ARID1B: variants seen among roughly 807,000 people sequenced by gnomAD.
ARID1B encodes AT-rich interaction domain 1B.
In ARID1B, 30 loss-of-function variants were observed where a neutral mutation model predicts 212.3. The observed-to-expected ratio is 0.14, with a 90% CI of 0.11 to 0.19. The LOEUF (loss-of-function observed/expected upper bound fraction) is 0.19. ARID1B is among the 10% of genes least tolerant of loss of function. The pLI, the probability that ARID1B is intolerant of heterozygous loss-of-function variation, is 1.00. For missense variants in ARID1B, 2,891 were observed against 3,204.0 expected, an observed-to-expected ratio of 0.90 and a Z score of 2.36; for synonymous variants, 1,402 against 1,301.7, an observed-to-expected ratio of 1.08 and a Z score of -1.66.
Position 157,069,661 on chromosome 6 carries a change from A to G in ARID1B, c.2248-15001A>G, listed in dbSNP as rs144559717. Among the ~76,000 whole-genome samples the G allele has an allele frequency of 5.3e-4, 81 of 152,336 alleles. 2 individuals are homozygous for G. Among genetic ancestry groups the G allele is most frequent in the African/African-American group, 1.7e-3 (69 of 41,566 alleles). On this transcript the variant is annotated intron_variant, in intron 4 of 19. Coordinates refer to ENST00000636930, the MANE Select transcript of ARID1B (RefSeq NM_001374828.1). ...GTTATTCAAGGGCAATCCTGTTTGA[A>G]TACTCAGATCATAGACCAATTGCCA... is the stretch of plus-strand genomic sequence containing the variant.
intron 13 of ARID1B, among the ~76,000 whole-genome samples, chr6:157,186,980 C>T (rs1793020780): frequency 6.6e-6 from 1 of 152,236 alleles, no homozygotes; most frequent in Non-Finnish European, 1.5e-5. Context: ...CCACATATCA[C>T]TGCCAAGTGG....
chr6:157,146,350 C>T (rs2128624321), intron 7 of ARID1B, among the ~76,000 whole-genome samples: 1 of 152,258 alleles, frequency 6.6e-6, no homozygotes, highest in Middle Eastern at 3.4e-3. Context: ...AGAAAAGATG[C>T]AAGCAACTCC....
At chr6:157,038,236 T>C (rs1308553876) in intron 4 of ARID1B, among the ~76,000 whole-genome samples, 1 of 152,134 alleles carries the variant, frequency 6.6e-6, no homozygotes, top group Non-Finnish European at 1.5e-5. Context: ...TTTGGGAGGA[T>C]AGGAAGGTTG....
intron 2 of ARID1B, among the ~76,000 whole-genome samples, chr6:156,874,052 A>C (rs1047188849): frequency 6.6e-6 from 1 of 152,050 alleles, no homozygotes; most frequent in African/African-American, 2.4e-5. Flanking sequence ...GTACTGACTA[A>C]TTTCTTATGT....
chr6:156,914,284 C>T (rs539833952), intron 3 of ARID1B, among the ~76,000 whole-genome samples: 12 of 152,314 alleles, frequency 7.9e-5, no homozygotes, highest in Non-Finnish European at 1.5e-4. Context: ...TGAGATCATG[C>T]GGTATGAAAC....
chr6:156,957,824 C>T (rs150394670), intron 4 of ARID1B, among the ~76,000 whole-genome samples: 2,291 of 152,184 alleles, frequency 0.015, 25 homozygotes, highest in Middle Eastern at 0.038. Flanking sequence ...AGGGGTTCTG[C>T]TGATGGAGAT....
chr6:156,817,355 G>T (rs1459682526), intron 1 of ARID1B, among the ~76,000 whole-genome samples: 5 of 151,798 alleles, frequency 3.3e-5, no homozygotes, highest in African/African-American at 2.4e-5. Flanking sequence ...CAAAAAAGCA[G>T]CCTGATGTTG....
intron 4 of ARID1B, among the ~76,000 whole-genome samples, chr6:157,079,779 C>T (rs562679353): frequency 5.9e-5 from 9 of 152,240 alleles, no homozygotes; most frequent in African/African-American, 1.9e-4. Flanking sequence ...ACAATCATAT[C>T]CATTTTGTCT....
intron 4 of ARID1B, among the ~76,000 whole-genome samples, chr6:157,020,710 A>G (rs749084557): frequency 6.6e-6 from 1 of 152,160 alleles, no homozygotes; most frequent in East Asian, 1.9e-4. Flanking sequence ...TGCTTCTCTA[A>G]TATTTTTTCC....
At chr6:157,055,037 A>G (rs1782860933) in intron 4 of ARID1B, among the ~76,000 whole-genome samples, 1 of 152,212 alleles carries the variant, frequency 6.6e-6, no homozygotes, top group African/African-American at 2.4e-5. Context: ...ACTGGGAAGC[A>G]TCCTCCTCAG....
intron 13 of ARID1B, chr6:157,184,717 C>A: frequency 2.0e-6 from 1 of 491,898 alleles, no homozygotes; most frequent in East Asian, 3.8e-5. Context: ...AAGCCATATA[C>A]GTTTATTGCT....
At chr6:157,060,630 CTTTTTTTTT>C (rs56870548) in intron 4 of ARID1B, among the ~76,000 whole-genome samples, 12 of 72,040 alleles carry the variant, frequency 1.7e-4, no homozygotes, top group South Asian at 1.4e-3. Flanking sequence ...AAAATCTGAA[CTTTTTTTTT>C]TTTTTTTTTT....
rs1324304200 is a variant in ARID1B, at chr6:156,812,983, T to TACAC, written c.1792-16243_1792-16242insCACA. On this transcript the variant is annotated intron_variant, in intron 1 of 19. Coordinates refer to ENST00000636930, the MANE Select transcript of ARID1B (RefSeq NM_001374828.1). ...GTGTGTGTGTGTGTGTGTGTATGTA[T>TACAC]ATACATACGTATGTATATACATATA... 5.4e-5 allele frequency among the ~76,000 whole-genome samples: 8 copies of TACAC among 147,548 alleles called. No individual in the cohort carries two copies. In the South Asian group the frequency reaches 1.1e-3, roughly 20 times the overall value.
chr6:156,828,223 G>C lies in ARID1B; in HGVS notation c.1792-1004G>C, dbSNP rs144887945. ...ACTATAGGTGCCTGCCACCACGCCTGGCTAAGTTTTTAATTTGTTGTAGAG... is the reference window on the plus strand; with the variant it reads ...ACTATAGGTGCCTGCCACCACGCCTCGCTAAGTTTTTAATTTGTTGTAGAG... On this transcript the variant is annotated intron_variant, in intron 1 of 19. Transcript: ENST00000636930. 3.8e-3 allele frequency among the ~76,000 whole-genome samples: 573 copies of C among 152,050 alleles called. 2 individuals carry two copies. Among genetic ancestry groups the C allele is most frequent in the African/African-American group, 0.013 (536 of 41,448 alleles).
chr6:156,896,802 C>G (rs890029493), intron 2 of ARID1B, among the ~76,000 whole-genome samples: 13 of 152,104 alleles, frequency 8.5e-5, no homozygotes, highest in Admixed American at 4.6e-4. Context: ...TCACTTGAAC[C>G]TGGGAGGCGG....
Position 157,190,246 on chromosome 6 carries a change from A to T in ARID1B, c.4231+36A>T, listed in dbSNP as rs567403359. ...AGGGGCCTCCACCCGGCCATGGACC[A>T]GTGGGCATTCTACTCTCTGCCGTTC... On this transcript the variant is annotated intron_variant, in intron 15 of 19. Coordinates refer to ENST00000636930, the MANE Select transcript of ARID1B (RefSeq NM_001374828.1). This position sits in a 1 kb window ranked among gnomAD's most constrained non-coding sequence, Gnocchi z 4.6. 13 of 1,578,754 alleles carry T rather than the reference A, an allele frequency of 8.2e-6. No homozygotes were observed. The South Asian group carries it at 1.5e-4, about 18-fold the overall frequency.
At chr6:157,114,784 C>G (rs1370398201) in intron 6 of ARID1B, among the ~76,000 whole-genome samples, 1 of 152,084 alleles carries the variant, frequency 6.6e-6, no homozygotes. Context: ...TGCACAGAGA[C>G]AAGAGATGAT....
chr6:157,206,675 G>C lies in ARID1B; in HGVS notation c.5903G>C (p.Arg1968Pro), dbSNP rs374035954. 1 of 1,612,794 alleles carries C rather than the reference G, an allele frequency of 6.2e-7. No homozygotes were observed. The highest frequency in any genetic ancestry group is 2.2e-5 in the East Asian group (1 of 44,840). Residue 1968 changes from arginine (R) to proline (P), a missense_variant, in exon 20 of 20, where the codon CGC becomes CCC. Arg to Pro is a moderately radical substitution (Grantham distance 103, BLOSUM62 -2). Coordinates refer to ENST00000636930, the MANE Select transcript of ARID1B (RefSeq NM_001374828.1). The surrounding 1 kb of genome is among the most constrained non-coding windows in gnomAD (Gnocchi z 6.8). ...ESKMEIPPRRRPPPPLSSAGR... is the reference protein window; with the variant it reads ...ESKMEIPPRRPPPPPLSSAGR... The stretch of plus-strand genomic sequence containing the variant: ...AAGATGGAAATTCCTCCTCGCAGGC[G>C]CCCACCTCCCCCCTTAAGCTCCGCA...
intron 4 of ARID1B, among the ~76,000 whole-genome samples, chr6:156,960,462 T>TA (rs1051204819): frequency 3.7e-4 from 56 of 152,320 alleles, no homozygotes; most frequent in Middle Eastern, 3.4e-3. Flanking sequence ...GTTTAATCAG[T>TA]AAAAAATAAT....
Sources: allele counts gnomAD v4.1 joint callset (sites outside exome capture counted in the v4.1 genomes callset), GRCh38; gene constraint gnomAD v4.1.1; non-coding constraint Gnocchi (gnomAD v3.1); transcripts MANE v1.5; gene names NCBI Gene and HGNC (gene_info 2026-07-23, HGNC 2026-07-21).